Variants in MANBA observed in about 807,000 individuals in gnomAD.
MANBA encodes mannosidase beta, also known as beta-mannosidase.
In MANBA, 83 loss-of-function variants were observed where a neutral mutation model predicts 111.1. That is an observed-to-expected ratio of 0.75 (90% CI 0.63 to 0.90). The LOEUF is 0.90. Among genes scored for constraint, MANBA ranks in the 40% least tolerant of loss-of-function variants. The probability of loss-of-function intolerance (pLI) is 0.00; values close to 1 mark genes in which losing one functional copy is unlikely to be tolerated. For missense variants in MANBA, 1,036 were observed against 1,069.0 expected, an observed-to-expected ratio of 0.97 and a Z score of 0.43; for synonymous variants, 370 against 378.7, an observed-to-expected ratio of 0.98 and a Z score of 0.27.
chr4:102,699,027 T>C (rs1475553911), intron 5 of MANBA, among the ~76,000 whole-genome samples: 1 of 152,296 alleles, frequency 6.6e-6, no homozygotes, highest in Non-Finnish European at 1.5e-5. Context: ...TCCTCTTTTA[T>C]TTCATTGAGC....
At chr4:102,657,595 CAT>C in intron 12 of MANBA, 85 bp downstream of exon 12, 1 of 1,077,932 alleles carries the variant, frequency 9.3e-7, no homozygotes, top group Non-Finnish European at 1.4e-6. Context: ...ACGTAGGTTT[CAT>C]ATGATTTTCT....
In MANBA at chr4:102,631,965, C is replaced by T. The variant is rs954346877; in HGVS notation, c.*92G>A. On this transcript the variant is annotated 3_prime_UTR_variant, in exon 17 of 17. Transcript: ENST00000647097. Reference sequence around the variant, plus strand: ...GGCAGCACGCAGACATGTCTCTCGGCTTCTCTCCTTGTCTCTGTTGCCTTC... The same window carrying T: ...GGCAGCACGCAGACATGTCTCTCGGTTTCTCTCCTTGTCTCTGTTGCCTTC... 7 of 1,113,242 alleles carry T rather than the reference C, an allele frequency of 6.3e-6. No homozygotes were observed. Among genetic ancestry groups the T allele is most frequent in the African/African-American group, 6.2e-5 (4 of 64,842 alleles). The allele number at this position is 1,113,242 out of a possible 1,614,324, so 69.0% of individuals were successfully genotyped here. A position where few individuals can be genotyped will look rare whatever the true frequency, so the allele number is the denominator to read the frequency against.
chr4:102,657,884 G>A lies in MANBA; in HGVS notation c.1502C>T (p.Pro501Leu). 6.2e-7 allele frequency: 1 copy of A among 1,611,372 alleles called. No homozygotes were observed. Among genetic ancestry groups the A allele is most frequent in the Non-Finnish European group, 8.5e-7 (1 of 1,177,520 alleles). Residue 501 changes from proline to leucine, a missense_variant, in exon 12 of 17, where the codon CCT becomes CTT. Pro to Leu is a moderately conservative substitution (Grantham distance 98). Coordinates refer to ENST00000647097, the MANE Select transcript of MANBA (RefSeq NM_005908.4). ...ELVLAGDKSRPFITSSPTNGA... is the reference protein window; with the variant it reads ...ELVLAGDKSRLFITSSPTNGA... ...ATTTGTAGGACTGGACGTAATAAAAGGACGACTCTTGTCTCCCTGAGTTCA... is the reference window on the plus strand; with the variant it reads ...ATTTGTAGGACTGGACGTAATAAAAAGACGACTCTTGTCTCCCTGAGTTCA...
intron 7 of MANBA, among the ~76,000 whole-genome samples, chr4:102,676,126 G>C (rs986973420): frequency 6.6e-6 from 1 of 152,160 alleles, no homozygotes; most frequent in Non-Finnish European, 1.5e-5. Context: ...TTATGAATAA[G>C]AAGTGAAATT....
chr4:102,731,393 C>T (rs1723029366), intron 1 of MANBA, among the ~76,000 whole-genome samples: 1 of 152,220 alleles, frequency 6.6e-6, no homozygotes, highest in African/African-American at 2.4e-5. Context: ...CTCCCTTCCG[C>T]TCATTGGATT....
intron 13 of MANBA, among the ~76,000 whole-genome samples, chr4:102,645,197 CTG>C (rs1274777741): frequency 6.6e-6 from 1 of 151,802 alleles, no homozygotes; most frequent in Non-Finnish European, 1.5e-5. Context: ...TCTTGCATTC[CTG>C]GGATATTTCC....
chr4:102,720,629 G>C (rs1364846941), intron 4 of MANBA, among the ~76,000 whole-genome samples: 1 of 151,382 alleles, frequency 6.6e-6, no homozygotes, highest in African/African-American at 2.4e-5. Context: ...AAGGGGAGAG[G>C]GAAAAAGTAC....
At chr4:102,714,202 T>G (rs1337450915) in intron 5 of MANBA, among the ~76,000 whole-genome samples, 1 of 152,202 alleles carries the variant, frequency 6.6e-6, no homozygotes, top group Non-Finnish European at 1.5e-5. Flanking sequence ...TCCATTTTAT[T>G]TTTTCCTTTT....
Position 102,732,663 on chromosome 4 carries a change from G to A in MANBA, c.178-5980C>T, listed in dbSNP as rs528237475. On this transcript the variant is annotated intron_variant, in intron 1 of 16. Coordinates refer to ENST00000647097, the MANE Select transcript of MANBA (RefSeq NM_005908.4). ...ATCACCAAACTGGCTTTTAAGGTCTGGTTAATGGTAAGGTTTTGTTCTGTT... is the reference window on the plus strand; with the variant it reads ...ATCACCAAACTGGCTTTTAAGGTCTAGTTAATGGTAAGGTTTTGTTCTGTT... Among the ~76,000 whole-genome samples, 7 of 152,354 alleles carry A rather than the reference G, an allele frequency of 4.6e-5. No individual in the cohort carries two copies. In the East Asian group the frequency reaches 9.6e-4, roughly 21 times the overall value.
At chr4:102,711,086 G>A (rs1483114422) in intron 5 of MANBA, among the ~76,000 whole-genome samples, 1 of 152,046 alleles carries the variant, frequency 6.6e-6, no homozygotes, top group East Asian at 1.9e-4. Flanking sequence ...GACCTCAAAA[G>A]CAAAGATAAC....
At chr4:102,734,558 G>A (rs1723141259) in intron 1 of MANBA, 1 of 1,608,142 alleles carries the variant, frequency 6.2e-7, no homozygotes, top group Admixed American at 1.7e-5. Flanking sequence ...GGAAGCCCAA[G>A]GCTACTGTTC....
intron 10 of MANBA, chr4:102,665,154 C>T: frequency 3.3e-6 from 1 of 305,784 alleles, no homozygotes; most frequent in Admixed American, 4.8e-5. Flanking sequence ...TGAATAAACT[C>T]TTCACTCTGT....
chr4:102,641,761 A>G (rs377003601), intron 13 of MANBA, among the ~76,000 whole-genome samples: 8 of 152,160 alleles, frequency 5.3e-5, no homozygotes, highest in African/African-American at 1.4e-4. Context: ...TCTCCTCACT[A>G]TAAGTTATTT....
At chr4:102,660,942 C>T (rs939196293) in intron 11 of MANBA, among the ~76,000 whole-genome samples, 2 of 151,936 alleles carry the variant, frequency 1.3e-5, no homozygotes, top group Non-Finnish European at 2.9e-5. Context: ...CCTCCTCTCC[C>T]CCAAAATGTC....
In MANBA at chr4:102,760,946, A is replaced by G. The variant is rs1318576584; in HGVS notation, c.-52T>C. 1.3e-6 allele frequency: 2 copies of G among 1,514,726 alleles called. No individual in the cohort carries two copies. Among genetic ancestry groups the G allele is most frequent in the Middle Eastern group, 2.2e-4 (1 of 4,534 alleles). 93.8% of individuals were successfully genotyped at this position (1,514,726 alleles called of 1,614,324 possible). A position where few individuals can be genotyped will look rare whatever the true frequency, so the allele number is the denominator to read the frequency against. On this transcript the variant is annotated 5_prime_UTR_variant, in exon 1 of 17. Transcript: ENST00000647097. ...GGAGAGATCGAAAGGCAGCGCTGCA[A>G]GGGACCGGCGGTGAAGCCACTCACC...
intron 1 of MANBA, 144 bp downstream of exon 1, chr4:102,760,574 G>A (rs1724202035): frequency 3.2e-6 from 3 of 931,642 alleles, no homozygotes; most frequent in Non-Finnish European, 4.7e-6. Context: ...ATTTCCCCCC[G>A]CAGATCACAA....
intron 1 of MANBA, among the ~76,000 whole-genome samples, chr4:102,734,915 T>C (rs893875812): frequency 5.9e-5 from 9 of 152,236 alleles, no homozygotes; most frequent in African/African-American, 2.2e-4. Flanking sequence ...ATTTTCTTAC[T>C]TAGTCATGTG....
chr4:102,715,496 CTTTTTTTAACT>C (rs1335273594), intron 4 of MANBA, among the ~76,000 whole-genome samples: 1 of 152,108 alleles, frequency 6.6e-6, no homozygotes. Flanking sequence ...CACATATTTT[CTTTTTTTAACT>C]TTTAAGTTCA....
At chr4:102,720,530 G>C (rs112795898) in intron 4 of MANBA, among the ~76,000 whole-genome samples, 1 of 151,008 alleles carries the variant, frequency 6.6e-6, no homozygotes, top group Non-Finnish European at 1.5e-5. Context: ...ACTTGAACCC[G>C]GGAGGCAGAG....
Sources: gnomAD v4.1 joint callset for allele counts (sites outside exome capture counted in the v4.1 genomes callset) on GRCh38, gnomAD v4.1.1 for gene constraint, MANE v1.5 for transcripts, NCBI Gene and HGNC (gene_info 2026-07-23, HGNC 2026-07-21) for gene names.